Variants in CFAP92 observed in about 807,000 individuals in gnomAD.
CFAP92 encodes uncharacterized protein CFAP92.
CFAP92 carries 86 observed loss-of-function variants against 106.3 expected under a neutral mutation model. The ratio of observed to expected loss-of-function variants is 0.81; its 90% confidence interval spans 0.68 to 0.97. The LOEUF is 0.97. CFAP92 is among the 50% of genes least tolerant of loss of function. The probability of loss-of-function intolerance (pLI) is 0.00; values close to 1 mark genes in which losing one functional copy is unlikely to be tolerated. For missense variants in CFAP92, 1,204 were observed against 1,283.8 expected (o/e 0.94, Z 0.95); for synonymous variants, 477 against 506.4 (o/e 0.94, Z 0.78).
Position 128,944,921 on chromosome 3 carries a change from AC to A in CFAP92, c.2258+149del, listed in dbSNP as rs1490630455. The A allele has an allele frequency of 9.9e-6, 7 of 710,008 alleles. No individual in the cohort carries two copies. In the African/African-American group the frequency reaches 1.1e-4, roughly 11 times the overall value. 44.0% of individuals were successfully genotyped at this position (710,008 alleles called of 1,614,324 possible). A position where few individuals can be genotyped will look rare whatever the true frequency, so the allele number is the denominator to read the frequency against. ...GCCAATCGAGTCTTCAAGTCCAATG[AC>A]TAAACCCTGGTAAGTACCTCACAAT... On this transcript the variant is annotated intron_variant, in intron 10 of 15. Transcript: ENST00000645291.
At chr3:128,974,708 C>T (rs1443021959) in intron 7 of CFAP92, among the ~76,000 whole-genome samples, 2 of 152,120 alleles carry the variant, frequency 1.3e-5, no homozygotes, top group African/African-American at 4.8e-5. Context: ...GTAATCCCAG[C>T]TACTCAGGAG....
At chr3:128,976,803 T>A (rs1943186018) in intron 6 of CFAP92, among the ~76,000 whole-genome samples, 176 bp downstream of exon 6, 1 of 152,188 alleles carries the variant, frequency 6.6e-6, no homozygotes, top group South Asian at 2.1e-4. Context: ...GCAGAAAGCT[T>A]GATGTGCAAC....
chr3:129,024,268 C>A, the CFAP92 span, among the ~76,000 whole-genome samples: 1 of 152,140 alleles, frequency 6.6e-6, no homozygotes, highest in Non-Finnish European at 1.5e-5. Context: ...TAGTGGCTCA[C>A]ACCTGTAATC....
rs576594739 is a variant in CFAP92 at position 128,993,472 on chromosome 3, C to T, written c.-32-136G>A. 1.1e-5 allele frequency: 9 copies of T among 785,156 alleles called. No homozygotes were observed. In the East Asian group the frequency reaches 2.4e-4, roughly 21 times the overall value. The allele number at this position is 785,156 out of a possible 1,614,324, so 48.6% of individuals were successfully genotyped here. A position where few individuals can be genotyped will look rare whatever the true frequency, so the allele number is the denominator to read the frequency against. On this transcript the variant is annotated intron_variant, in intron 1 of 15. Transcript: ENST00000645291. ...CTGCTCCTAGATGAACGCCGGGGCTCCTTCACTGCCTGCCACACAGTCGGT... is the reference window on the plus strand; with the variant it reads ...CTGCTCCTAGATGAACGCCGGGGCTTCTTCACTGCCTGCCACACAGTCGGT...
In CFAP92 at chr3:128,935,337, C is replaced by A. The variant is rs1187276549; in HGVS notation, c.2259-18G>T. On this transcript the variant is annotated intron_variant, in intron 10 of 15. Coordinates refer to ENST00000645291, the MANE Select transcript of CFAP92 (RefSeq NM_001394090.1). ...TGGGAATCCTGCAAGAGACAGAAGGCCAAGAGCTAACTTGCATGGCAGCTT... is the reference window on the plus strand; with the variant it reads ...TGGGAATCCTGCAAGAGACAGAAGGACAAGAGCTAACTTGCATGGCAGCTT... The A allele has an allele frequency of 6.8e-7, 1 of 1,474,872 alleles. No homozygotes were observed. The highest frequency in any genetic ancestry group is 1.3e-5 in the South Asian group (1 of 77,698). The allele number at this position is 1,474,872 out of a possible 1,614,324, so 91.4% of individuals were successfully genotyped here.
intron 12 of CFAP92, among the ~76,000 whole-genome samples, chr3:128,918,853 G>C (rs1181915105): frequency 6.6e-6 from 1 of 151,986 alleles, no homozygotes; most frequent in Non-Finnish European, 1.5e-5. Flanking sequence ...CACAGGAACG[G>C]AGGGTTTAAA....
chr3:128,979,393 C>T (rs1238875697), intron 4 of CFAP92, among the ~76,000 whole-genome samples: 12 of 152,186 alleles, frequency 7.9e-5, no homozygotes, highest in Non-Finnish European at 1.6e-4. Context: ...TGTGGCGATT[C>T]CTCAGGGATC....
At chr3:128,914,926 G>C (rs991228541) in intron 15 of CFAP92, 193 bp downstream of exon 15, 1 of 599,868 alleles carries the variant, frequency 1.7e-6, no homozygotes, top group African/African-American at 1.9e-5. Flanking sequence ...CTTGGGGCTA[G>C]AATCCTGGTC....
chr3:128,963,166 C>T (rs895125227), intron 9 of CFAP92, among the ~76,000 whole-genome samples: 4 of 152,202 alleles, frequency 2.6e-5, no homozygotes, highest in African/African-American at 9.7e-5. Flanking sequence ...TGTGCTCTCC[C>T]TGCTGATCGT....
At position 128,975,810 on chromosome 3, in the gene CFAP92, TA is replaced by T. The variant is rs1250321716; in HGVS notation, c.989del (p.Leu330Ter). ...ELIESESLSS[L>X]TNILDRQRSQ... ...ACCTTTGTCTGTCTAATATGTTTGTTAAGCTGCTAAGTGATTCACTCTCAAT... is the reference window on the plus strand; with the variant it reads ...ACCTTTGTCTGTCTAATATGTTTGTTAGCTGCTAAGTGATTCACTCTCAAT... On this transcript the variant is annotated frameshift_variant, in exon 7 of 16. Coordinates refer to ENST00000645291, the MANE Select transcript of CFAP92 (RefSeq NM_001394090.1). LOFTEE classifies it high-confidence loss of function. 6.2e-7 allele frequency: 1 copy of T among 1,605,154 alleles called. No individual in the cohort carries two copies. Among genetic ancestry groups the T allele is most frequent in the East Asian group, 2.2e-5 (1 of 44,618 alleles).
chr3:128,998,682 A>G (rs896828135), upstream of CFAP92, among the ~76,000 whole-genome samples: 1 of 152,168 alleles, frequency 6.6e-6, no homozygotes, highest in African/African-American at 2.4e-5. Context: ...TCTGTGGGGG[A>G]TGACAAAGCA....
intron 12 of CFAP92, among the ~76,000 whole-genome samples, chr3:128,931,894 C>G (rs1256000505): frequency 6.6e-6 from 1 of 151,938 alleles, no homozygotes; most frequent in Admixed American, 6.6e-5. Context: ...GGTGTGGTGG[C>G]GCATGCCTGC....
chr3:129,006,928 G>T (rs1026238456), upstream of CFAP92, among the ~76,000 whole-genome samples: 6 of 152,216 alleles, frequency 3.9e-5, no homozygotes, highest in African/African-American at 1.4e-4. Flanking sequence ...GAATAGCCAT[G>T]GGCATTTATT....
At chr3:128,913,518 C>T (rs1936569845) in intron 15 of CFAP92, among the ~76,000 whole-genome samples, 1 of 152,100 alleles carries the variant, frequency 6.6e-6, no homozygotes, top group Admixed American at 6.6e-5. Context: ...GAACTTTAAG[C>T]TTTGATGTGG....
chr3:128,978,049 C>A lies in CFAP92; in HGVS notation c.804G>T (p.Leu268Phe). ...ACAAAGGCCTTCTCCGCTCACCTTG[C>A]AAAGACTTTGGGTGTTTTTCTGTTT... The part of the protein sequence containing the change: ...QEKTEKHPKS[L>F]QGSHQAEPET... Residue 268 changes from leucine (L) to phenylalanine (F), a missense_variant, in exon 5 of 16, where the codon TTG becomes TTT. Physicochemically the swap from Leu to Phe is conservative, Grantham distance 22. Transcript: ENST00000645291. The A allele has an allele frequency of 6.2e-7, 1 of 1,613,968 alleles. No individual in the cohort carries two copies. The highest frequency in any genetic ancestry group is 8.5e-7 in the Non-Finnish European group (1 of 1,179,858).
At chr3:128,914,822 G>A (rs967820560) in intron 15 of CFAP92, 2 of 352,278 alleles carry the variant, frequency 5.7e-6, no homozygotes, top group African/African-American at 4.1e-5. Flanking sequence ...AGCTCAGGAA[G>A]CCTTTAGACC....
intron 11 of CFAP92, among the ~76,000 whole-genome samples, chr3:128,933,589 C>T (rs1938649024): frequency 6.6e-6 from 1 of 152,256 alleles, no homozygotes; most frequent in South Asian, 2.1e-4. Flanking sequence ...AGGTGCCTGC[C>T]TTTGCACTCA....
chr3:128,990,200 A>G (rs188696322), intron 2 of CFAP92, among the ~76,000 whole-genome samples: 4 of 152,390 alleles, frequency 2.6e-5, no homozygotes, highest in African/African-American at 4.8e-5. Flanking sequence ...CAACAAAATT[A>G]AAACAAGTAT....
chr3:128,912,939 G>A (rs780481747), intron 15 of CFAP92: 68 of 519,906 alleles, frequency 1.3e-4, no homozygotes, highest in Non-Finnish European at 2.0e-4. Flanking sequence ...GGTGTGAGGT[G>A]GGTGGGGACC....
Sources: gnomAD v4.1 joint callset for allele counts (sites outside exome capture counted in the v4.1 genomes callset) on GRCh38, gnomAD v4.1.1 for gene constraint, MANE v1.5 for transcripts, NCBI Gene and HGNC (gene_info 2026-07-23, HGNC 2026-07-21) for gene names.